KDM7A: variants seen among roughly 807,000 people sequenced by gnomAD.
The protein encoded by KDM7A is lysine-specific demethylase 7A.
Under a neutral mutation model 114.8 loss-of-function variants are expected in KDM7A, and 28 were observed. The ratio of observed to expected loss-of-function variants is 0.24; its 90% CI spans 0.18 to 0.33. The LOEUF is 0.33. Among genes scored for constraint, KDM7A ranks in the 10% least tolerant of loss-of-function variants. The pLI is 1.00. For synonymous variants in KDM7A, 423 were observed against 397.8 expected, an observed-to-expected ratio of 1.06 and a Z score of -0.75; for missense variants, 942 against 1,142.5, an observed-to-expected ratio of 0.82 and a Z score of 2.53.
intron 1 of KDM7A, among the ~76,000 whole-genome samples, chr7:140,155,754 T>C (rs10252373): frequency 0.36 from 54,715 of 152,048 alleles, 10,237 homozygotes; most frequent in African/African-American, 0.45. Flanking sequence ...GCAGCCCACA[T>C]GGCACAGAAG....
intron 1 of KDM7A, among the ~76,000 whole-genome samples, chr7:140,167,436 G>C (rs1273072211): frequency 6.6e-6 from 1 of 152,110 alleles, no homozygotes; most frequent in African/African-American, 2.4e-5. Flanking sequence ...AGAAAGTGCT[G>C]AAACAGACCC....
At chr7:140,172,983 T>C (rs952603910) in intron 1 of KDM7A, among the ~76,000 whole-genome samples, 1 of 152,132 alleles carries the variant, frequency 6.6e-6, no homozygotes, top group Non-Finnish European at 1.5e-5. Context: ...AACTAAAAAA[T>C]GCGATTAAAG....
At chr7:140,173,711 G>A (rs1794671224) in intron 1 of KDM7A, among the ~76,000 whole-genome samples, 1 of 152,044 alleles carries the variant, frequency 6.6e-6, no homozygotes, top group African/African-American at 2.4e-5. Flanking sequence ...TCCTTTAGGG[G>A]TCAATTCTCA....
At position 140,100,089 on chromosome 7, in the gene KDM7A, T is replaced by C. The variant is rs1818177280; in HGVS notation, c.1639-66A>G. 90 of 1,543,586 alleles carry C rather than the reference T, an allele frequency of 5.8e-5. 2 individuals are homozygous for C. The South Asian group carries it at 1.0e-3, about 17-fold the overall frequency. The stretch of plus-strand genomic sequence containing the variant: ...AGGTAGCCCTGTTCGACTGATGGAA[T>C]ACAGTATACCACCACCTCCCCCATG... On this transcript the variant is annotated intron_variant, in intron 12 of 19. Transcript: ENST00000397560.
At chr7:140,117,591 A>G (rs374392596) in intron 9 of KDM7A, among the ~76,000 whole-genome samples, 1 of 152,210 alleles carries the variant, frequency 6.6e-6, no homozygotes, top group Admixed American at 6.5e-5. Context: ...AGAGTTGTCA[A>G]TCTCTTAACC....
chr7:140,150,827 C>CTTTTTTT (rs922394260), intron 1 of KDM7A, among the ~76,000 whole-genome samples: 2 of 127,866 alleles, frequency 1.6e-5, no homozygotes, highest in African/African-American at 2.9e-5. Flanking sequence ...AATCTCTGTT[C>CTTTTTTT]TTTTTTTTTT....
At chr7:140,097,423 G>A in intron 15 of KDM7A, 122 bp downstream of exon 15, 1 of 588,142 alleles carries the variant, frequency 1.7e-6, no homozygotes, top group South Asian at 2.1e-5. Flanking sequence ...AAGACCCTGT[G>A]CTAATGTAAG....
intron 1 of KDM7A, among the ~76,000 whole-genome samples, chr7:140,167,210 C>A (rs1200941669): frequency 2.0e-5 from 3 of 151,814 alleles, no homozygotes; most frequent in Non-Finnish European, 2.9e-5. Context: ...ATAAAAATCC[C>A]AACAATGCTT....
intron 1 of KDM7A, among the ~76,000 whole-genome samples, chr7:140,139,577 T>C (rs542542471): frequency 6.6e-6 from 1 of 152,178 alleles, no homozygotes; most frequent in African/African-American, 2.4e-5. Context: ...GATGAAGCAC[T>C]TGTAAACAGA....
chr7:140,112,528 T>G (rs1054001103), intron 10 of KDM7A, among the ~76,000 whole-genome samples: 1 of 151,982 alleles, frequency 6.6e-6, no homozygotes, highest in Non-Finnish European at 1.5e-5. Context: ...GGAGAATCAC[T>G]TGAACCCAGG....
rs1363470350 is a variant in KDM7A, at chr7:140,085,757, G to A, written c.*5337C>T. On this transcript the variant is annotated 3_prime_UTR_variant, in exon 20 of 20. Coordinates refer to ENST00000397560, the MANE Select transcript of KDM7A (RefSeq NM_030647.2). ...ATAAAATAACCTTGGGGTTCACTTA[G>A]TAAGTTACACCTCAGGTCCCTGACT... The A allele has an allele frequency of 1.3e-5, 2 of 152,152 alleles. No individual in the cohort carries two copies. Among genetic ancestry groups the A allele is most frequent in the Admixed American group, 6.5e-5 (1 of 15,282 alleles). The allele number at this position is 152,152 out of a possible 1,614,324, so 9.4% of individuals were successfully genotyped here.
At chr7:140,132,205 A>G (rs1484383745) in intron 3 of KDM7A, among the ~76,000 whole-genome samples, 1 of 152,166 alleles carries the variant, frequency 6.6e-6, no homozygotes, top group Admixed American at 6.5e-5. Flanking sequence ...CTATTCTACT[A>G]TGGTTTGAAA....
At chr7:140,152,237 G>A (rs976703080) in intron 1 of KDM7A, among the ~76,000 whole-genome samples, 2 of 152,162 alleles carry the variant, frequency 1.3e-5, no homozygotes, top group Non-Finnish European at 2.9e-5. Flanking sequence ...GATGAAAGAC[G>A]AGTTACAGTA....
At chr7:140,153,301 C>CA (rs1376697941) in intron 1 of KDM7A, among the ~76,000 whole-genome samples, 2 of 151,540 alleles carry the variant, frequency 1.3e-5, no homozygotes, top group African/African-American at 2.4e-5. Context: ...TCCTGGCTAA[C>CA]ACAGTGAAAC....
intron 6 of KDM7A, among the ~76,000 whole-genome samples, chr7:140,125,456 A>C (rs1353810485): frequency 2.0e-5 from 3 of 152,234 alleles, no homozygotes; most frequent in Non-Finnish European, 1.5e-5. Context: ...TGAATTTTTA[A>C]TTACATTCCA....
At chr7:140,105,274 CTTTA>C (rs1818312290) in intron 11 of KDM7A, among the ~76,000 whole-genome samples, 1 of 152,190 alleles carries the variant, frequency 6.6e-6, no homozygotes, top group Non-Finnish European at 1.5e-5. Context: ...ACGGAATACC[CTTTA>C]TTTCTTTCTC....
rs1389017591 is a variant in KDM7A at position 140,086,818 on chromosome 7, C to T, written c.*4276G>A. On this transcript the variant is annotated 3_prime_UTR_variant, in exon 20 of 20. Coordinates refer to ENST00000397560, the MANE Select transcript of KDM7A (RefSeq NM_030647.2). ...TGTCTAGGCTAAAGATCTGATGATC[C>T]AGCTTCCCAAGACTGCTTTAGAGGA... 6.6e-6 allele frequency: 1 copy of T among 152,150 alleles called. No individual in the cohort carries two copies. Among genetic ancestry groups the T allele is most frequent in the Non-Finnish European group, 1.5e-5 (1 of 68,030 alleles). The allele number at this position is 152,150 out of a possible 1,614,324, so 9.4% of individuals were successfully genotyped here. A position where few individuals can be genotyped will look rare whatever the true frequency, so the allele number is the denominator to read the frequency against.
At chr7:140,101,894 T>C in intron 12 of KDM7A, 57 bp downstream of exon 12, 1 of 1,140,166 alleles carries the variant, frequency 8.8e-7, no homozygotes, top group Non-Finnish European at 1.3e-6. Context: ...ATTATCCCTA[T>C]AAAGACTTTA....
In KDM7A at chr7:140,155,329, T is replaced by C. The variant is rs542090233; in HGVS notation, c.195-16139A>G. Among the ~76,000 whole-genome samples, 8 of 152,316 alleles carry C rather than the reference T, an allele frequency of 5.3e-5. No homozygotes were observed. The South Asian group carries it at 1.7e-3, about 32-fold the overall frequency. ...TGATTTTCTTCTAGATAAGATTACCTGGAAGCCAGGGCTACCTTTACCCAC... is the reference window on the plus strand; with the variant it reads ...TGATTTTCTTCTAGATAAGATTACCCGGAAGCCAGGGCTACCTTTACCCAC... On this transcript the variant is annotated intron_variant, in intron 1 of 19. Coordinates refer to ENST00000397560, the MANE Select transcript of KDM7A (RefSeq NM_030647.2).
Sources: allele counts gnomAD v4.1 joint callset (sites outside exome capture counted in the v4.1 genomes callset), GRCh38; gene constraint gnomAD v4.1.1; transcripts MANE v1.5; gene names NCBI Gene and HGNC (gene_info 2026-07-23, HGNC 2026-07-21).